Variants in NELL1 observed in about 807,000 individuals in gnomAD.
The protein encoded by NELL1 is neural EGFL like 1, also known as protein kinase C-binding protein NELL1.
A neutral mutation model predicts 107.4 loss-of-function variants in NELL1; 76 were observed. The observed-to-expected ratio is 0.71, with a 90% CI of 0.59 to 0.86. The LOEUF is 0.86. Ranked by LOEUF, NELL1 falls within the 40% of genes least tolerant of loss-of-function variation. The pLI, the probability that NELL1 is intolerant of heterozygous loss-of-function variation, is 0.00. For synonymous variants in NELL1, 353 were observed against 341.2 expected (o/e 1.03, Z -0.38); for missense variants, 1,024 against 1,005.5 (o/e 1.02, Z -0.25).
intron 13 of NELL1, among the ~76,000 whole-genome samples, chr11:21,122,297 A>G (rs1033549056): frequency 6.6e-6 from 1 of 152,132 alleles, no homozygotes; most frequent in Non-Finnish European, 1.5e-5. Flanking sequence ...CTTTCTCATA[A>G]AGGAGTTTCA....
Position 20,677,977 on chromosome 11 carries a change from C to T in NELL1, c.101C>T (p.Thr34Ile), listed in dbSNP as rs1425093451. 4 of 1,613,994 alleles carry T rather than the reference C, an allele frequency of 2.5e-6. No individual in the cohort carries two copies. In the African/African-American group the frequency reaches 5.3e-5, roughly 22 times the overall value. The change falls in exon 2 of 20, where the codon ACC becomes ATC. Residue 34 changes from threonine (T) to isoleucine (I), a missense_variant. Transcript: ENST00000357134. ...MDPDLQMDIV[T>I]ELDLVNTTLG... The stretch of plus-strand genomic sequence containing the variant: ...CCTGACCTTCAGATGGATATCGTCA[C>T]CGAGCTTGACCTTGTGAACACCACC...
In NELL1 at chr11:21,001,205, G is replaced by GACTTCTCACTTTATTCTATT. The variant is rs1347253652; in HGVS notation, c.1300+40647_1300+40666dup. 3.9e-5 allele frequency among the ~76,000 whole-genome samples: 6 copies of GACTTCTCACTTTATTCTATT among 152,230 alleles called. No individual in the cohort carries two copies. The South Asian group carries it at 1.2e-3, about 32-fold the overall frequency. ...TTATTATCCTGTGGTAAGAACTCCT[G>GACTTCTCACTTTATTCTATT]ACTTCTCACTTTATTCTATTAAGTG... On this transcript the variant is annotated intron_variant, in intron 12 of 19. Transcript: ENST00000357134.
At chr11:20,905,370 T>A (rs1849972892) in intron 5 of NELL1, among the ~76,000 whole-genome samples, 1 of 152,056 alleles carries the variant, frequency 6.6e-6, no homozygotes, top group Admixed American at 6.6e-5. Context: ...TCAAATAAAG[T>A]CACAGGCAAA....
chr11:20,701,282 TGTCTTTTGGCTG>T, intron 2 of NELL1, among the ~76,000 whole-genome samples: 1 of 152,180 alleles, frequency 6.6e-6, no homozygotes, highest in South Asian at 2.1e-4. Flanking sequence ...TTTTTTCATG[TGTCTTTTGGCTG>T]CATAAATGTC....
At chr11:20,715,767 C>T (rs1855235324) in intron 2 of NELL1, among the ~76,000 whole-genome samples, 1 of 152,168 alleles carries the variant, frequency 6.6e-6, no homozygotes, top group South Asian at 2.1e-4. Flanking sequence ...AGTTGAGTAT[C>T]TGGTAGTCTT....
At chr11:20,988,595 G>A (rs1378847052) in intron 12 of NELL1, among the ~76,000 whole-genome samples, 2 of 150,792 alleles carry the variant, frequency 1.3e-5, no homozygotes, top group African/African-American at 4.9e-5. Context: ...CTTTAGAGAG[G>A]TTTGTTCTTT....
At chr11:21,544,477 C>T (rs954616074) in intron 16 of NELL1, among the ~76,000 whole-genome samples, 4 of 151,834 alleles carry the variant, frequency 2.6e-5, no homozygotes, top group Non-Finnish European at 4.4e-5. Flanking sequence ...ACAGTCATAA[C>T]AGAATTCTTG....
intron 2 of NELL1, among the ~76,000 whole-genome samples, chr11:20,765,618 G>C (rs1390048005): frequency 2.0e-5 from 3 of 152,094 alleles, no homozygotes; most frequent in Non-Finnish European, 4.4e-5. Flanking sequence ...CAAAATAATG[G>C]CCTGACCGGA....
At chr11:20,739,366 T>C (rs1311372524) in intron 2 of NELL1, among the ~76,000 whole-genome samples, 1 of 152,018 alleles carries the variant, frequency 6.6e-6, no homozygotes, top group East Asian at 1.9e-4. Context: ...ATGGGCAGGA[T>C]GCACACCACG....
At chr11:21,325,571 C>T (rs1850112894) in intron 14 of NELL1, among the ~76,000 whole-genome samples, 1 of 151,694 alleles carries the variant, frequency 6.6e-6, no homozygotes, top group Admixed American at 6.6e-5. Context: ...TTTTTTTCCC[C>T]ATTTCTATAC....
At chr11:21,537,756 T>C (rs1349616529) in intron 16 of NELL1, among the ~76,000 whole-genome samples, 1 of 152,136 alleles carries the variant, frequency 6.6e-6, no homozygotes, top group Non-Finnish European at 1.5e-5. Flanking sequence ...ATTGAAGGCA[T>C]GGATGTTCAA....
At chr11:21,487,999 A>G (rs963088529) in intron 15 of NELL1, among the ~76,000 whole-genome samples, 4 of 152,302 alleles carry the variant, frequency 2.6e-5, no homozygotes, top group East Asian at 1.9e-4. Context: ...CTAAATATAT[A>G]TACATACAAC....
intron 14 of NELL1, among the ~76,000 whole-genome samples, chr11:21,232,159 A>AAAAAATAT (rs1554985116): frequency 1.4e-5 from 1 of 73,208 alleles, no homozygotes; most frequent in African/African-American, 5.2e-5. Flanking sequence ...AAAAAAAAAA[A>AAAAAATAT]ATATATATAT....
intron 13 of NELL1, among the ~76,000 whole-genome samples, chr11:21,119,011 T>G (rs1855300707): frequency 6.6e-6 from 1 of 152,068 alleles, no homozygotes; most frequent in African/African-American, 2.4e-5. Flanking sequence ...TTATAAAAGA[T>G]AGTCACCAAG....
Position 20,915,717 on chromosome 11 carries a change from A to ATATATT in NELL1, c.604-2464_604-2463insATATTT. 1.7e-4 allele frequency among the ~76,000 whole-genome samples: 10 copies of ATATATT among 58,220 alleles called. 1 individual carries two copies. The South Asian group carries it at 1.8e-3, about 10-fold the overall frequency. The allele number at this position is 58,220 out of a possible 152,430, so 38.2% of individuals were successfully genotyped here. A position where few individuals can be genotyped will look rare whatever the true frequency, so the allele number is the denominator to read the frequency against. ...TCATAGATGATATATATATATATATATTTTTTTTTTTTTTTTTTGAGAGGA... is the reference window on the plus strand; with the variant it reads ...TCATAGATGATATATATATATATATATATATTTTTTTTTTTTTTTTTTTTGAGAGGA... On this transcript the variant is annotated intron_variant, in intron 5 of 19. Transcript: ENST00000357134.
At chr11:21,403,751 AG>A (rs1428057857) in intron 15 of NELL1, among the ~76,000 whole-genome samples, 1 of 150,648 alleles carries the variant, frequency 6.6e-6, no homozygotes, top group African/African-American at 2.4e-5. Context: ...CAGAAAAAAA[AG>A]GAAGAATGGA....
chr11:21,159,230 T>G (rs1856310026), intron 13 of NELL1, among the ~76,000 whole-genome samples: 1 of 152,158 alleles, frequency 6.6e-6, no homozygotes, highest in South Asian at 2.1e-4. Flanking sequence ...CTTGGATCCG[T>G]GAGCTTGTTG....
intron 2 of NELL1, among the ~76,000 whole-genome samples, chr11:20,685,829 A>G (rs1854293488): frequency 6.6e-6 from 1 of 152,158 alleles, no homozygotes; most frequent in Non-Finnish European, 1.5e-5. Context: ...GGGGAAGGGC[A>G]GAAGATTAAA....
chr11:21,236,827 C>T (rs964310586), intron 14 of NELL1, among the ~76,000 whole-genome samples: 4 of 152,084 alleles, frequency 2.6e-5, no homozygotes, highest in Non-Finnish European at 5.9e-5. Flanking sequence ...GGGGACATGA[C>T]AAGTTACTAA....
Sources: allele counts gnomAD v4.1 joint callset (sites outside exome capture counted in the v4.1 genomes callset), GRCh38; gene constraint gnomAD v4.1.1; transcripts MANE v1.5; gene names NCBI Gene and HGNC (gene_info 2026-07-23, HGNC 2026-07-21).